Variants in FAM168A observed in about 807,000 individuals in gnomAD.
FAM168A encodes family with sequence similarity 168 member A.
Under a neutral mutation model 28.5 loss-of-function variants are expected in FAM168A, and 3 were observed. That is an observed-to-expected ratio of 0.11 (90% confidence interval 0.05 to 0.27). The LOEUF (loss-of-function observed/expected upper bound fraction) is 0.27. Among genes scored for constraint, FAM168A ranks in the 10% least tolerant of loss-of-function variants. The probability of loss-of-function intolerance (pLI) is 1.00; values close to 1 mark genes in which losing one functional copy is unlikely to be tolerated. For synonymous variants in FAM168A, 122 were observed against 124.2 expected (o/e 0.98, Z 0.12); for missense variants, 222 against 311.5 (o/e 0.71, Z 2.16).
At chr11:73,563,160 ATTT>A (rs1034273414) in intron 1 of FAM168A, among the ~76,000 whole-genome samples, 2 of 152,190 alleles carry the variant, frequency 1.3e-5, no homozygotes, top group Non-Finnish European at 2.9e-5. Flanking sequence ...CCCATCAGGT[ATTT>A]ACTTGATGTT....
At chr11:73,555,387 G>A (rs938818732) in intron 1 of FAM168A, among the ~76,000 whole-genome samples, 1 of 151,530 alleles carries the variant, frequency 6.6e-6, no homozygotes, top group East Asian at 1.9e-4. Flanking sequence ...CCAGCCTGGG[G>A]GCTCATGAAA....
chr11:73,532,817 G>A (rs1170791970), intron 1 of FAM168A, among the ~76,000 whole-genome samples: 1 of 152,204 alleles, frequency 6.6e-6, no homozygotes, highest in Non-Finnish European at 1.5e-5. Flanking sequence ...GCAGGAGTTG[G>A]AGTCAAAAGA....
chr11:73,555,236 C>G (rs1255846582), intron 1 of FAM168A, among the ~76,000 whole-genome samples: 1 of 152,076 alleles, frequency 6.6e-6, no homozygotes, highest in Non-Finnish European at 1.5e-5. Context: ...CTCAGAGGAC[C>G]TGAATATCTG....
intron 4 of FAM168A, among the ~76,000 whole-genome samples, chr11:73,412,577 C>A (rs994743586): frequency 3.3e-5 from 5 of 152,146 alleles, no homozygotes; most frequent in African/African-American, 1.2e-4. Context: ...TCTACGGAAC[C>A]CAAGTGATCA....
chr11:73,411,262 T>C lies in FAM168A; in HGVS notation c.420+132A>G, dbSNP rs146119169. ...GACTGCAGGGATATTGCTTCAGTGA[T>C]ACAACAAGGACGGCTAGCCAGAGCC... is the stretch of plus-strand genomic sequence containing the variant. On this transcript the variant is annotated intron_variant, in intron 5 of 7. Transcript: ENST00000356467. 97 of 1,003,256 alleles carry C rather than the reference T, an allele frequency of 9.7e-5. 2 individuals carry two copies. The highest frequency in any genetic ancestry group is 6.7e-4 in the Middle Eastern group (2 of 3,002). 62.1% of individuals were successfully genotyped at this position (1,003,256 alleles called of 1,614,324 possible).
Position 73,547,287 on chromosome 11 carries a change from C to A in FAM168A, c.-19+50636G>T, listed in dbSNP as rs183924626. Among the ~76,000 whole-genome samples the A allele has an allele frequency of 7.0e-3, 1,065 of 151,532 alleles. 6 individuals carry two copies. Among genetic ancestry groups the A allele is most frequent in the Middle Eastern group, 0.014 (4 of 292 alleles). ...GACCATTAGAGAAATGCAATCCAAA[C>A]CATAATATCACCTCATATCCATTAT... On this transcript the variant is annotated intron_variant, in intron 1 of 7. Transcript: ENST00000356467.
At chr11:73,466,710 A>C (rs754383256) in intron 2 of FAM168A, among the ~76,000 whole-genome samples, 1 of 152,182 alleles carries the variant, frequency 6.6e-6, no homozygotes, top group Non-Finnish European at 1.5e-5. Context: ...AGTATAACAA[A>C]CATTGTATTA....
Position 73,567,834 on chromosome 11 carries a change from C to A in FAM168A, c.-19+30089G>T, listed in dbSNP as rs371366277. 2.0e-5 allele frequency among the ~76,000 whole-genome samples: 3 copies of A among 152,204 alleles called. No individual in the cohort carries two copies. The East Asian group carries it at 5.8e-4, about 29-fold the overall frequency. ...ATTGAGAATGCAGATGAGGGCATCA[C>A]CCCCGGACAACAAGATAGAAGGAGC... On this transcript the variant is annotated intron_variant, in intron 1 of 7. Coordinates refer to ENST00000356467, the MANE Select transcript of FAM168A (RefSeq NM_015159.3).
chr11:73,531,971 ATTTTTTTT>A (rs1016007383), intron 1 of FAM168A, among the ~76,000 whole-genome samples: 4 of 123,482 alleles, frequency 3.2e-5, no homozygotes, highest in African/African-American at 1.2e-4. Flanking sequence ...TGCCTGGCTA[ATTTTTTTT>A]TTTTTTTTTT....
chr11:73,544,376 T>C (rs890887653), intron 1 of FAM168A, among the ~76,000 whole-genome samples: 7 of 152,010 alleles, frequency 4.6e-5, no homozygotes, highest in African/African-American at 1.7e-4. Context: ...AAACAAGTCC[T>C]CAAAAGGGTT....
intron 1 of FAM168A, among the ~76,000 whole-genome samples, chr11:73,502,170 A>G (rs887432932): frequency 3.3e-5 from 5 of 151,186 alleles, no homozygotes; most frequent in Non-Finnish European, 7.4e-5. Flanking sequence ...TGCAGGAGCT[A>G]GAGACACAAA....
chr11:73,419,335 A>G (rs1247530748), intron 4 of FAM168A, among the ~76,000 whole-genome samples: 3 of 152,166 alleles, frequency 2.0e-5, no homozygotes, highest in Admixed American at 6.5e-5. Context: ...ACAGAGGGCA[A>G]TTTTGCCCCA....
intron 1 of FAM168A, among the ~76,000 whole-genome samples, chr11:73,493,558 G>A (rs988334570): frequency 2.0e-5 from 3 of 152,006 alleles, no homozygotes; most frequent in African/African-American, 7.2e-5. Context: ...TGGGTCTACC[G>A]ACGTGTGCCA....
At chr11:73,497,445 A>AC (rs1235675654) in intron 1 of FAM168A, among the ~76,000 whole-genome samples, 6 of 146,494 alleles carry the variant, frequency 4.1e-5, no homozygotes, top group Admixed American at 1.4e-4. Context: ...GTGACTCCAT[A>AC]CCCCCCCTCA....
intron 2 of FAM168A, among the ~76,000 whole-genome samples, chr11:73,462,875 G>C (rs1010094799): frequency 4.0e-5 from 6 of 151,360 alleles, no homozygotes; most frequent in Non-Finnish European, 1.5e-5. Context: ...GAAAAGAGAA[G>C]AGAAGAGAGG....
chr11:73,587,167 A>C (rs868159716), intron 1 of FAM168A, among the ~76,000 whole-genome samples: 32 of 149,300 alleles, frequency 2.1e-4, no homozygotes, highest in East Asian at 5.8e-4. Context: ...AAAAAAAAAA[A>C]AAAAAAAAAA....
At chr11:73,416,945 C>G (rs1008338890) in intron 4 of FAM168A, among the ~76,000 whole-genome samples, 12 of 143,272 alleles carry the variant, frequency 8.4e-5, no homozygotes, top group Admixed American at 6.9e-4. Context: ...GACCTTGTCT[C>G]AAAAAAAAGG....
Position 73,582,076 on chromosome 11 carries a change from C to T in FAM168A, c.-19+15847G>A, listed in dbSNP as rs187922466. Among the ~76,000 whole-genome samples the T allele has an allele frequency of 1.6e-3, 237 of 152,228 alleles. 1 individual carries two copies. The highest frequency in any genetic ancestry group is 5.2e-3 in the African/African-American group (218 of 41,536). ...TGGAGCTCCTTGAAGACAGCAACTACACCTTACTCATCTCCGTGTATCATC... is the reference window on the plus strand; with the variant it reads ...TGGAGCTCCTTGAAGACAGCAACTATACCTTACTCATCTCCGTGTATCATC... On this transcript the variant is annotated intron_variant, in intron 1 of 7. Transcript: ENST00000356467.
intron 1 of FAM168A, among the ~76,000 whole-genome samples, chr11:73,569,723 G>A (rs1239791122): frequency 2.6e-5 from 4 of 152,062 alleles, no homozygotes; most frequent in Non-Finnish European, 4.4e-5. Context: ...TCAGGAGGCT[G>A]AGGCAGAAGA....
Sources: allele counts gnomAD v4.1 joint callset (sites outside exome capture counted in the v4.1 genomes callset), GRCh38; gene constraint gnomAD v4.1.1; transcripts MANE v1.5; gene names NCBI Gene and HGNC (gene_info 2026-07-23, HGNC 2026-07-21).